The following MYBL1 variants were observed in gnomAD, a reference collection of about 807,000 sequenced individuals.
MYBL1 encodes MYB proto-oncogene like 1.
Under a neutral mutation model 96.3 loss-of-function variants are expected in MYBL1, and 17 were observed. That is an observed-to-expected ratio of 0.18 (90% CI 0.12 to 0.26). MYBL1 has a LOEUF of 0.26. Among genes scored for constraint, MYBL1 ranks in the 10% least tolerant of loss-of-function variants. MYBL1 has a pLI of 1.00. For synonymous variants in MYBL1, 282 were observed against 292.7 expected (o/e 0.96, Z 0.37); for missense variants, 701 against 882.9 (o/e 0.79, Z 2.61).
chr8:66,575,459 A>T (rs1808897669), intron 10 of MYBL1, among the ~76,000 whole-genome samples: 1 of 152,188 alleles, frequency 6.6e-6, no homozygotes, highest in Non-Finnish European at 1.5e-5. Context: ...ATATGGGACT[A>T]CAAGATAAAG....
At position 66,590,617 on chromosome 8, in the gene MYBL1, A is replaced by G. The variant is rs113035314; in HGVS notation, c.867+1823T>C. Reference sequence around the variant, plus strand: ...TTAGCTAATCAAAAAAAAAAAAAAAACTTTTTGTAGGGCCAAGATTGCACC... The same window carrying G: ...TTAGCTAATCAAAAAAAAAAAAAAAGCTTTTTGTAGGGCCAAGATTGCACC... On this transcript the variant is annotated intron_variant, in intron 8 of 15. Coordinates refer to ENST00000522677, the MANE Select transcript of MYBL1 (RefSeq NM_001080416.4). Among the ~76,000 whole-genome samples the G allele has an allele frequency of 7.9e-3, 1,192 of 151,688 alleles. 13 individuals are homozygous for G. The highest frequency in any genetic ancestry group is 0.026 in the African/African-American group (1,088 of 41,356).
In MYBL1 at chr8:66,564,688, T is replaced by G; in HGVS notation, c.*9A>C. ...AGGGAGTGGGGCATTTCATCAATTTTAATAACAATTACAGTATGAGAGCTC... is the reference window on the plus strand; with the variant it reads ...AGGGAGTGGGGCATTTCATCAATTTGAATAACAATTACAGTATGAGAGCTC... On this transcript the variant is annotated 3_prime_UTR_variant, in exon 16 of 16. Transcript: ENST00000522677. 6.4e-7 allele frequency: 1 copy of G among 1,559,976 alleles called. No individual in the cohort carries two copies. The highest frequency in any genetic ancestry group is 2.3e-5 in the East Asian group (1 of 43,154).
chr8:66,609,821 G>A (rs1810459900), intron 1 of MYBL1, among the ~76,000 whole-genome samples: 1 of 151,960 alleles, frequency 6.6e-6, no homozygotes, highest in Admixed American at 6.5e-5. Context: ...TTAACCAGAT[G>A]AAAAACTGAG....
At chr8:66,589,717 T>C (rs925240497) in intron 8 of MYBL1, among the ~76,000 whole-genome samples, 1 of 152,016 alleles carries the variant, frequency 6.6e-6, no homozygotes, top group Admixed American at 6.6e-5. Flanking sequence ...CTCCTGGGCT[T>C]AAGTGACCCT....
In MYBL1 at chr8:66,576,270, C is replaced by T. The variant is rs1808942246; in HGVS notation, c.1207G>A (p.Gly403Arg). The T allele has an allele frequency of 4.3e-6, 7 of 1,613,936 alleles. No individual in the cohort carries two copies. The highest frequency in any genetic ancestry group is 5.9e-6 in the Non-Finnish European group (7 of 1,179,880). ...ACGTTAAATTGGCATTCCATGGCTCCTTCATTGTGCTGAATTCTCATTAAT... is the reference window on the plus strand; with the variant it reads ...ACGTTAAATTGGCATTCCATGGCTCTTTCATTGTGCTGAATTCTCATTAAT... ...VKLMRIQHNE[G>R]AMECQFNVSL... is the part of the protein sequence containing the mutation. Residue 403 changes from glycine (G) to arginine (R), a missense_variant, in exon 10 of 16, where the codon GGA (glycine) becomes AGA (arginine). Transcript: ENST00000522677.
chr8:66,598,003 A>G (rs972609876), intron 4 of MYBL1, among the ~76,000 whole-genome samples: 4 of 152,122 alleles, frequency 2.6e-5, no homozygotes, highest in Non-Finnish European at 5.9e-5. Flanking sequence ...TCCACATTTT[A>G]CAGTTGTTTT....
At chr8:66,609,337 C>T (rs1186978064) in intron 1 of MYBL1, among the ~76,000 whole-genome samples, 1 of 151,596 alleles carries the variant, frequency 6.6e-6, no homozygotes, top group Non-Finnish European at 1.5e-5. Flanking sequence ...AGAGAAATAC[C>T]GGTTCTATAA....
chr8:66,605,907 T>C (rs754158570), intron 1 of MYBL1, among the ~76,000 whole-genome samples: 2 of 152,202 alleles, frequency 1.3e-5, no homozygotes, highest in Non-Finnish European at 2.9e-5. Context: ...AGTCTACCAT[T>C]TATTTAAAAC....
At chr8:66,566,818 A>G in intron 13 of MYBL1, 30 bp from the exon 14 acceptor site, 3 of 1,589,288 alleles carry the variant, frequency 1.9e-6, no homozygotes, top group Non-Finnish European at 2.6e-6. Flanking sequence ...TAGAAGCTTT[A>G]TGGCAAAGTC....
chr8:66,585,008 G>A (rs1472927937), intron 8 of MYBL1, among the ~76,000 whole-genome samples: 2 of 151,976 alleles, frequency 1.3e-5, no homozygotes, highest in South Asian at 2.1e-4. Context: ...AAATACCAAC[G>A]ACATTCTCCC....
At chr8:66,568,457 C>T (rs1464414559) in intron 12 of MYBL1, among the ~76,000 whole-genome samples, 7 of 151,710 alleles carry the variant, frequency 4.6e-5, no homozygotes, top group Non-Finnish European at 1.0e-4. Flanking sequence ...TGCCACAACG[C>T]CTGGCTAATT....
At chr8:66,582,597 G>C (rs1419554051) in intron 8 of MYBL1, among the ~76,000 whole-genome samples, 1 of 148,268 alleles carries the variant, frequency 6.7e-6, no homozygotes, top group Non-Finnish European at 1.5e-5. Context: ...ACATGCCTGT[G>C]GTCCCCGCTA....
At chr8:66,593,809 G>A (rs1321394741) in intron 6 of MYBL1, among the ~76,000 whole-genome samples, 1 of 152,110 alleles carries the variant, frequency 6.6e-6, no homozygotes, top group African/African-American at 2.4e-5. Context: ...AAGCAGTAGT[G>A]GAAAGAAATA....
rs1272063509 is a variant in MYBL1 at position 66,602,445 on chromosome 8, C to A, written c.99G>T (p.Trp33Cys). 1.9e-6 allele frequency: 3 copies of A among 1,604,392 alleles called. No individual in the cohort carries two copies. Among genetic ancestry groups the A allele is most frequent in the South Asian group, 1.1e-5 (1 of 90,436 alleles). Residue 33 changes from tryptophan (W) to cysteine (C), a missense_variant, in exon 2 of 16, where the codon TGG (tryptophan) becomes TGT (cysteine). By Grantham distance (215) the Trp-to-Cys change is radical. Coordinates refer to ENST00000522677, the MANE Select transcript of MYBL1 (RefSeq NM_001080416.4). ...CGTCCCTTGTCCATTTTACTCTGTT[C>A]CAGAGTTTCTTCAGTCCTTTTTGTT... ...VPQQKGLKKL[W>C]NRVKWTRDED...
Position 66,578,442 on chromosome 8 carries a change from A to G in MYBL1, c.1101+1691T>C, listed in dbSNP as rs1385009800. On this transcript the variant is annotated intron_variant, in intron 9 of 15. Coordinates refer to ENST00000522677, the MANE Select transcript of MYBL1 (RefSeq NM_001080416.4). ...AAAGGATATCAACAGACACTTCTCA[A>G]AAGAAGACATTTATGCAGCCAAAAG... is the stretch of plus-strand genomic sequence containing the variant. Among the ~76,000 whole-genome samples, 34 of 152,376 alleles carry G rather than the reference A, an allele frequency of 2.2e-4. No individual in the cohort carries two copies. In the East Asian group the frequency reaches 6.4e-3, roughly 28 times the overall value.
chr8:66,569,313 T>C (rs535283614), intron 12 of MYBL1, among the ~76,000 whole-genome samples: 1 of 152,068 alleles, frequency 6.6e-6, no homozygotes, highest in African/African-American at 2.4e-5. Context: ...TGCATAGTAT[T>C]CTATGGTGCA....
intron 1 of MYBL1, among the ~76,000 whole-genome samples, chr8:66,608,518 C>T (rs1419826702): frequency 6.6e-6 from 1 of 152,082 alleles, no homozygotes; most frequent in African/African-American, 2.4e-5. Flanking sequence ...TATCTATCAA[C>T]ATCACTAGCT....
intron 5 of MYBL1, among the ~76,000 whole-genome samples, chr8:66,596,684 C>A (rs577223245): frequency 2.0e-4 from 30 of 152,234 alleles, no homozygotes; most frequent in African/African-American, 7.2e-4. Flanking sequence ...ATAGAGATTA[C>A]AGCAACAAAA....
chr8:66,611,822 C>T (rs1211422420), intron 1 of MYBL1, among the ~76,000 whole-genome samples: 1 of 152,112 alleles, frequency 6.6e-6, no homozygotes, highest in Non-Finnish European at 1.5e-5. Context: ...AATGAATGAC[C>T]CCCATTACTA....
Sources: allele counts gnomAD v4.1 joint callset (sites outside exome capture counted in the v4.1 genomes callset), GRCh38; gene constraint gnomAD v4.1.1; transcripts MANE v1.5; gene names NCBI Gene and HGNC (gene_info 2026-07-23, HGNC 2026-07-21).